The following DIAPH2 variants were observed in gnomAD, a reference collection of about 807,000 sequenced individuals.
DIAPH2 encodes protein diaphanous homolog 2.
In DIAPH2, 35 loss-of-function variants were observed where a neutral mutation model predicts 92.7. The observed-to-expected ratio is 0.38, with a 90% CI of 0.29 to 0.50. The LOEUF (loss-of-function observed/expected upper bound fraction) is 0.50, where lower values mean the gene tolerates loss of function less well. Ranked by LOEUF, DIAPH2 falls within the 20% of genes least tolerant of loss-of-function variation. The pLI is 0.94. For missense variants in DIAPH2, 701 were observed against 819.5 expected, an observed-to-expected ratio of 0.86 and a Z score of 1.77; for synonymous variants, 301 against 280.4, an observed-to-expected ratio of 1.07 and a Z score of -0.73.
Position 97,137,290 on chromosome X carries a change from T to C in DIAPH2, c.2590-4375T>C, listed in dbSNP as rs1360456398. On this transcript the variant is annotated intron_variant, in intron 21 of 26. Coordinates refer to ENST00000324765, the MANE Select transcript of DIAPH2 (RefSeq NM_006729.5). ...TTATACATATATATATATATATATATATATATATATATGTATAGAATTAAA... is the reference window on the plus strand; with the variant it reads ...TTATACATATATATATATATATATACATATATATATATGTATAGAATTAAA... Among the ~76,000 whole-genome samples the C allele has an allele frequency of 3.2e-4, 31 of 97,522 alleles. 1 individual carries two copies. The highest frequency in any genetic ancestry group is 1.1e-3 in the African/African-American group (29 of 26,301). The allele number at this position is 97,522 out of a possible 115,157, so 84.7% of individuals were successfully genotyped here.
intron 4 of DIAPH2, among the ~76,000 whole-genome samples, chrX:96,860,908 T>G (rs1190010002): frequency 8.9e-6 from 1 of 112,157 alleles, no homozygotes; most frequent in African/African-American, 3.2e-5. Context: ...GCTTCTAGTC[T>G]GGTGGGATTT....
At chrX:97,562,839 A>G (rs1297338078) in intron 26 of DIAPH2, among the ~76,000 whole-genome samples, 2 of 111,932 alleles carry the variant, frequency 1.8e-5, no homozygotes, top group Non-Finnish European at 3.8e-5. Flanking sequence ...CAACACCACC[A>G]CTTTGTGGTA....
At chrX:97,449,116 G>T (rs754621837) in intron 26 of DIAPH2, among the ~76,000 whole-genome samples, 2 of 111,569 alleles carry the variant, frequency 1.8e-5, no homozygotes, top group Non-Finnish European at 3.8e-5. Flanking sequence ...TGCCAGATTT[G>T]TGCTTAAAAT....
chrX:97,277,452 A>G (rs1332483022), intron 23 of DIAPH2, among the ~76,000 whole-genome samples: 4 of 112,220 alleles, frequency 3.6e-5, no homozygotes, highest in African/African-American at 1.3e-4. Context: ...CCCTAGAAGA[A>G]AATGTTAGGT....
At chrX:97,125,552 A>G (rs1216389666) in intron 21 of DIAPH2, among the ~76,000 whole-genome samples, 1 of 109,583 alleles carries the variant, frequency 9.1e-6, no homozygotes, top group Non-Finnish European at 1.9e-5. Context: ...ACCAATAATA[A>G]GCATTAAAAA....
chrX:97,467,821 G>A (rs1322522158), intron 26 of DIAPH2, among the ~76,000 whole-genome samples: 1 of 111,655 alleles, frequency 9.0e-6, no homozygotes, highest in Non-Finnish European at 1.9e-5. Flanking sequence ...TGTGATTTGG[G>A]CTGATTTGCA....
chrX:96,751,647 G>GTTGTTT (rs2064189692), intron 3 of DIAPH2, among the ~76,000 whole-genome samples: 1 of 85,049 alleles, frequency 1.2e-5, no homozygotes, highest in African/African-American at 4.4e-5. Context: ...AGACTTCAGT[G>GTTGTTT]TTTTGTTTTT....
chrX:97,199,704 C>T (rs775750108), intron 22 of DIAPH2, among the ~76,000 whole-genome samples: 2 of 111,200 alleles, frequency 1.8e-5, no homozygotes, highest in Non-Finnish European at 3.8e-5. Flanking sequence ...TTCCTGAAAC[C>T]TTGTTGATAT....
intron 23 of DIAPH2, among the ~76,000 whole-genome samples, chrX:97,258,885 A>C (rs1299829158): frequency 1.9e-5 from 2 of 106,387 alleles, no homozygotes; most frequent in Admixed American, 2.0e-4. Context: ...AAAAAAAAAA[A>C]AAAAAACAAC....
intron 9 of DIAPH2, 150 bp downstream of exon 9, chrX:96,918,767 T>C (rs2065522004): frequency 2.4e-6 from 1 of 422,450 alleles, no homozygotes; most frequent in Non-Finnish European, 4.1e-6. Context: ...TTGCAATTTG[T>C]TTAAAATTAG....
chrX:97,496,268 C>T (rs752963049), intron 26 of DIAPH2, among the ~76,000 whole-genome samples: 2 of 104,998 alleles, frequency 1.9e-5, no homozygotes, highest in African/African-American at 7.0e-5. Context: ...CTCCATCTCC[C>T]GGGCTCAAGA....
chrX:97,578,127 T>G (rs1387525213), intron 26 of DIAPH2, among the ~76,000 whole-genome samples: 2 of 107,202 alleles, frequency 1.9e-5, no homozygotes, highest in Non-Finnish European at 3.8e-5. Context: ...AAGCATTTGT[T>G]GCAGTTTATT....
At chrX:96,770,537 A>G (rs768857878) in intron 4 of DIAPH2, among the ~76,000 whole-genome samples, 3 of 111,618 alleles carry the variant, frequency 2.7e-5, no homozygotes, top group Non-Finnish European at 3.8e-5. Context: ...AACATTGATT[A>G]TTGGAGGTTG....
chrX:97,362,288 A>T (rs1384026752), intron 24 of DIAPH2, among the ~76,000 whole-genome samples: 1 of 111,048 alleles, frequency 9.0e-6, no homozygotes, highest in Non-Finnish European at 1.9e-5. Flanking sequence ...GGATTGGGAC[A>T]TGCAACTAAA....
At chrX:97,101,094 A>G (rs184064981) in intron 20 of DIAPH2, among the ~76,000 whole-genome samples, 2 of 112,049 alleles carry the variant, frequency 1.8e-5, no homozygotes, top group East Asian at 5.6e-4. Context: ...CACAACATTG[A>G]GTAATACAGT....
intron 21 of DIAPH2, among the ~76,000 whole-genome samples, chrX:97,131,388 G>A (rs2067137113): frequency 9.0e-6 from 1 of 111,417 alleles, no homozygotes; most frequent in Non-Finnish European, 1.9e-5. Flanking sequence ...GACCTTCAAA[G>A]TTTTTCATAA....
At position 97,604,432 on chromosome X, in the gene DIAPH2, T is replaced by A. The variant is rs1258557192; in HGVS notation, c.*5115T>A. On this transcript the variant is annotated 3_prime_UTR_variant, in exon 27 of 27. Coordinates refer to ENST00000324765, the MANE Select transcript of DIAPH2 (RefSeq NM_006729.5). ...GGCACCATGCAGCTCACTACACTAT[T>A]CATTGCACACAAATGAATTTTTCAC... 1 of 112,131 alleles carries A rather than the reference T, an allele frequency of 8.9e-6. No homozygotes were observed. Among genetic ancestry groups the A allele is most frequent in the East Asian group, 2.8e-4 (1 of 3,596 alleles). The allele number at this position is 112,131 out of a possible 1,213,427, so 9.2% of individuals were successfully genotyped here.
intron 4 of DIAPH2, among the ~76,000 whole-genome samples, chrX:96,819,767 A>G (rs2064765395): frequency 8.9e-6 from 1 of 112,276 alleles, no homozygotes; most frequent in African/African-American, 3.2e-5. Flanking sequence ...AACTTATTGT[A>G]TATTCATTCA....
At chrX:97,598,218 C>CCTGA (rs2071567489) in intron 26 of DIAPH2, among the ~76,000 whole-genome samples, 1 of 111,801 alleles carries the variant, frequency 8.9e-6, no homozygotes, top group African/African-American at 3.3e-5. Context: ...ACAAAGCAGG[C>CCTGA]CTGACATTTA....
Sources: allele counts gnomAD v4.1 joint callset (sites outside exome capture counted in the v4.1 genomes callset), GRCh38; gene constraint gnomAD v4.1.1; transcripts MANE v1.5; gene names NCBI Gene and HGNC (gene_info 2026-07-23, HGNC 2026-07-21).